Variants in EPHB1 observed in about 807,000 individuals in gnomAD.
EPHB1 encodes the protein EPH receptor B1, also known as ephrin type-B receptor 1.
EPHB1 carries 30 observed loss-of-function variants against 94.4 expected under a neutral mutation model. That is an observed-to-expected ratio of 0.32 (90% confidence interval 0.24 to 0.43). The LOEUF is 0.43. Among genes scored for constraint, EPHB1 ranks in the 20% least tolerant of loss-of-function variants. The pLI, the probability that EPHB1 is intolerant of heterozygous loss-of-function variation, is 1.00. For synonymous variants in EPHB1, 522 were observed against 489.1 expected, an observed-to-expected ratio of 1.07 and a Z score of -0.89; for missense variants, 1,055 against 1,308.3, an observed-to-expected ratio of 0.81 and a Z score of 2.99.
chr3:135,052,957 G>GTGTATATATA (rs1937222658), intron 3 of EPHB1, among the ~76,000 whole-genome samples: 1 of 110,974 alleles, frequency 9.0e-6, no homozygotes, highest in Non-Finnish European at 1.7e-5. Flanking sequence ...ATATATATAT[G>GTGTATATATA]TGTGTATATA....
chr3:135,002,813 A>G (rs989492208), intron 3 of EPHB1, among the ~76,000 whole-genome samples: 2 of 151,750 alleles, frequency 1.3e-5, no homozygotes, highest in African/African-American at 4.8e-5. Context: ...TATCCCCTTT[A>G]TCATTTTTTA....
At chr3:134,941,488 T>C (rs1355362549) in intron 2 of EPHB1, among the ~76,000 whole-genome samples, 2 of 151,794 alleles carry the variant, frequency 1.3e-5, no homozygotes, top group Non-Finnish European at 2.9e-5. Context: ...CTTCATTTTA[T>C]AGTGGCTCTT....
At chr3:134,882,766 C>T (rs912119837) in intron 1 of EPHB1, among the ~76,000 whole-genome samples, 2 of 17,206 alleles carry the variant, frequency 1.2e-4, no homozygotes, top group East Asian at 1.3e-3. Context: ...TCCTTCCTTC[C>T]TTTCTTTCTT....
At chr3:135,149,325 G>A (rs1416737906) in intron 5 of EPHB1, among the ~76,000 whole-genome samples, 2 of 152,208 alleles carry the variant, frequency 1.3e-5, no homozygotes, top group Admixed American at 1.3e-4. Flanking sequence ...TCTTTCAGAT[G>A]TTCAAGCAAA....
In EPHB1 at chr3:135,192,594, A is replaced by C; in HGVS notation, c.1901A>C (p.Tyr634Ser). ...VIGAGEFGEV[Y>S]KGRLKLPGKR... ...GTTGCAGGGGAGTTTGGAGAAGTGT[A>C]CAAGGGGCGTTTGAAACTGCCAGGC... The change falls in exon 11 of 16, where the codon TAC becomes TCC. Residue 634 changes from tyrosine (Y) to serine (S), a missense_variant. By Grantham distance (144) the Tyr-to-Ser change is moderately radical. Transcript: ENST00000398015. The C allele has an allele frequency of 1.2e-6, 2 of 1,613,884 alleles. No individual in the cohort carries two copies. Among genetic ancestry groups the C allele is most frequent in the Non-Finnish European group, 8.5e-7 (1 of 1,179,860 alleles).
intron 3 of EPHB1, among the ~76,000 whole-genome samples, chr3:135,097,095 A>G (rs1938815238): frequency 1.0e-5 from 1 of 97,510 alleles, no homozygotes; most frequent in African/African-American, 3.2e-5. Flanking sequence ...GACTCTGTCT[A>G]CAAAAAAAAA....
intron 1 of EPHB1, among the ~76,000 whole-genome samples, chr3:134,807,856 A>G (rs2036097432): frequency 6.6e-6 from 1 of 152,198 alleles, no homozygotes; most frequent in African/African-American, 2.4e-5. Flanking sequence ...CCACAGTGTG[A>G]CAGAGGAGCT....
chr3:135,174,478 C>G (rs866756588), intron 9 of EPHB1, among the ~76,000 whole-genome samples: 2 of 152,234 alleles, frequency 1.3e-5, no homozygotes, highest in African/African-American at 4.8e-5. Flanking sequence ...CACCCATAGC[C>G]TCTGCCTTTT....
intron 3 of EPHB1, among the ~76,000 whole-genome samples, chr3:135,085,389 C>G (rs9828156): frequency 0.55 from 84,243 of 152,044 alleles, 25,022 homozygotes; most frequent in Non-Finnish European, 0.67. Context: ...ATTTAGAACT[C>G]CTGCATGCAG....
intron 1 of EPHB1, among the ~76,000 whole-genome samples, chr3:134,875,674 G>A (rs16842209): frequency 0.059 from 9,053 of 152,188 alleles, 281 homozygotes; most frequent in South Asian, 0.11. Context: ...GTTTTTGAGC[G>A]GGCTGGAAAC....
intron 12 of EPHB1, among the ~76,000 whole-genome samples, chr3:135,228,332 T>A (rs1188315366): frequency 2.6e-5 from 4 of 152,220 alleles, no homozygotes; most frequent in Non-Finnish European, 1.5e-5. Flanking sequence ...ATTTATGTGT[T>A]GCCTAAGTGA....
chr3:134,832,917 T>C (rs1322618139), intron 1 of EPHB1, among the ~76,000 whole-genome samples: 2 of 152,264 alleles, frequency 1.3e-5, no homozygotes, highest in Non-Finnish European at 2.9e-5. Context: ...ACTCACGGTT[T>C]ATGTGATTCT....
intron 11 of EPHB1, among the ~76,000 whole-genome samples, chr3:135,194,387 C>T (rs553806026): frequency 1.3e-5 from 2 of 152,252 alleles, no homozygotes; most frequent in Admixed American, 6.5e-5. Flanking sequence ...CTTAAATCTT[C>T]CTGGAGAATC....
chr3:134,956,658 T>C (rs1019185334), intron 3 of EPHB1, among the ~76,000 whole-genome samples: 9 of 152,068 alleles, frequency 5.9e-5, no homozygotes, highest in African/African-American at 2.2e-4. Context: ...ACTTGCTACG[T>C]GGTTTTAGGT....
At chr3:134,984,431 G>C in intron 3 of EPHB1, among the ~76,000 whole-genome samples, 1 of 152,360 alleles carries the variant, frequency 6.6e-6, no homozygotes, top group East Asian at 1.9e-4. Context: ...GGAGAAGGCA[G>C]TGTCCAAAGG....
intron 4 of EPHB1, among the ~76,000 whole-genome samples, chr3:135,114,763 AAAT>A (rs1939618968): frequency 6.8e-6 from 1 of 147,630 alleles, no homozygotes; most frequent in South Asian, 2.1e-4. Flanking sequence ...ATAAATAAAT[AAAT>A]AAAACAATAT....
intron 12 of EPHB1, among the ~76,000 whole-genome samples, chr3:135,203,863 C>T (rs1375926880): frequency 6.6e-6 from 1 of 152,170 alleles, no homozygotes; most frequent in Non-Finnish European, 1.5e-5. Flanking sequence ...CACACTCTAC[C>T]AGGAGTGTAT....
intron 3 of EPHB1, among the ~76,000 whole-genome samples, chr3:135,076,681 G>T (rs942126121): frequency 2.0e-5 from 3 of 152,040 alleles, no homozygotes; most frequent in Non-Finnish European, 4.4e-5. Context: ...GCCAAAAGGT[G>T]GAAACCATCC....
At chr3:134,974,414 T>A (rs544454628) in intron 3 of EPHB1, among the ~76,000 whole-genome samples, 1 of 152,314 alleles carries the variant, frequency 6.6e-6, no homozygotes, top group East Asian at 1.9e-4. Flanking sequence ...TAAAATGGGA[T>A]TGATAGTAAT....
Sources: gnomAD v4.1 joint callset for allele counts (sites outside exome capture counted in the v4.1 genomes callset) on GRCh38, gnomAD v4.1.1 for gene constraint, MANE v1.5 for transcripts, NCBI Gene and HGNC (gene_info 2026-07-23, HGNC 2026-07-21) for gene names.